The following GAK variants were observed in gnomAD, a reference collection of about 807,000 sequenced individuals.
GAK encodes cyclin-G-associated kinase.
In GAK, 79 loss-of-function variants were observed where a neutral mutation model predicts 143.9. That is an observed-to-expected ratio of 0.55 (90% CI 0.46 to 0.66). The LOEUF (loss-of-function observed/expected upper bound fraction) is 0.66, where lower values mean the gene tolerates loss of function less well. Ranked by LOEUF, GAK falls within the 30% of genes least tolerant of loss-of-function variation. The pLI, the probability that GAK is intolerant of heterozygous loss-of-function variation, is 0.00. For synonymous variants in GAK, 881 were observed against 765.5 expected, an observed-to-expected ratio of 1.15 and a Z score of -2.49; for missense variants, 1,693 against 1,779.7, an observed-to-expected ratio of 0.95 and a Z score of 0.88.
intron 3 of GAK, chr4:912,059 G>C (rs567542782): frequency 1.0e-5 from 5 of 484,158 alleles, no homozygotes; most frequent in African/African-American, 5.9e-5. Context: ...AGTCCATCCC[G>C]CGCGTGGCAG....
chr4:862,435 C>T (rs993903749), intron 23 of GAK, among the ~76,000 whole-genome samples: 2 of 152,076 alleles, frequency 1.3e-5, no homozygotes, highest in Admixed American at 6.6e-5. Context: ...CTGAGGCGGG[C>T]GGATCACGAG....
At chr4:887,553 C>G (rs1716719191) in intron 11 of GAK, 1 of 149,614 alleles carries the variant, frequency 6.7e-6, no homozygotes, top group African/African-American at 2.5e-5. Flanking sequence ...GCACGCAGCT[C>G]ACGCACACTC....
intron 23 of GAK, among the ~76,000 whole-genome samples, chr4:860,733 G>A (rs1438526678): frequency 1.4e-5 from 2 of 145,872 alleles, no homozygotes; most frequent in African/African-American, 2.6e-5. Context: ...AGGCCCTGGC[G>A]CACCTCGCAC....
intron 23 of GAK, among the ~76,000 whole-genome samples, chr4:862,637 G>A (rs1334642871): frequency 1.3e-5 from 2 of 148,694 alleles, no homozygotes; most frequent in Non-Finnish European, 3.0e-5. Context: ...CAGCCTGGGC[G>A]ACAAAGAGAG....
chr4:894,969 A>T (rs1409422737), intron 7 of GAK: 1 of 145,876 alleles, frequency 6.9e-6, no homozygotes, highest in African/African-American at 2.7e-5. Flanking sequence ...ACAAAGCGAG[A>T]CTCTGTCTCA....
At chr4:852,247 G>A in intron 24 of GAK, 1 of 546,734 alleles carries the variant, frequency 1.8e-6, no homozygotes, top group South Asian at 2.1e-5. Context: ...CCACCCCCAG[G>A]AGCCAAGGCA....
chr4:865,688 C>T (rs1751049239), intron 22 of GAK, among the ~76,000 whole-genome samples: 1 of 152,232 alleles, frequency 6.6e-6, no homozygotes, highest in Admixed American at 6.5e-5. Flanking sequence ...TCTGGCGGCA[C>T]CCGCCCCAAC....
intron 10 of GAK, among the ~76,000 whole-genome samples, chr4:889,181 G>A (rs1717161281): frequency 1.3e-5 from 2 of 152,098 alleles, no homozygotes; most frequent in Admixed American, 1.3e-4. Flanking sequence ...CGTACCCAGC[G>A]GGAAGCCAGG....
chr4:851,739 G>T lies in GAK; in HGVS notation c.3508+11C>A, dbSNP rs780799062. The T allele has an allele frequency of 6.2e-7, 1 of 1,610,496 alleles. No homozygotes were observed. On this transcript the variant is annotated intron_variant, in intron 25 of 27. Transcript: ENST00000314167. ...TGCAAACTCCACAGCAACAGAGAGT[G>T]GGGGACTCACCAAAGCTGGGTGCGC...
chr4:898,190 T>C, intron 5 of GAK, 32 bp from the exon 6 acceptor site: 1 of 1,611,890 alleles, frequency 6.2e-7, no homozygotes, highest in Non-Finnish European at 8.5e-7. Context: ...CCCCGTGAAC[T>C]TGGCGTAGAC....
intron 4 of GAK, among the ~76,000 whole-genome samples, chr4:907,863 G>A (rs905770908): frequency 7.9e-5 from 12 of 152,208 alleles, no homozygotes; most frequent in Admixed American, 7.8e-4. Flanking sequence ...CAGTCCCCAG[G>A]AGTGAGCTGG....
chr4:850,148 G>T (rs1037161718), intron 26 of GAK, 80 bp from the exon 27 acceptor site: 2 of 1,356,438 alleles, frequency 1.5e-6, no homozygotes, highest in Admixed American at 2.4e-5. Flanking sequence ...GAGGCACGAC[G>T]CTGAGGAAGT....
At position 912,891 on chromosome 4, in the gene GAK, T is replaced by C. The variant is rs182201135; in HGVS notation, c.208-97A>G. On this transcript the variant is annotated intron_variant, in intron 2 of 27. Transcript: ENST00000314167. The stretch of plus-strand genomic sequence containing the variant: ...CAGACATAAGCACGCAACAGAGCAA[T>C]GCAATGTGTCTAATACAGCTCCCCC... The C allele has an allele frequency of 5.9e-5, 61 of 1,026,150 alleles. No homozygotes were observed. In the East Asian group the frequency reaches 1.2e-3, roughly 20 times the overall value. The allele number at this position is 1,026,150 out of a possible 1,614,324, so 63.6% of individuals were successfully genotyped here.
chr4:865,428 C>T (rs1015409684), intron 22 of GAK, among the ~76,000 whole-genome samples, 184 bp from the exon 23 acceptor site: 1 of 151,986 alleles, frequency 6.6e-6, no homozygotes, highest in Non-Finnish European at 1.5e-5. Context: ...TCACACAGAA[C>T]TGAGCGAGTG....
Position 868,659 on chromosome 4 carries a change from C to G in GAK, c.2275G>C (p.Gly759Arg). The stretch of plus-strand genomic sequence containing the variant: ...CCAGCATCATACTGAGCCGTGGAGC[C>G]AGGCTGCCGGGGAAGCTCCGGCTTC... ...FGKPELPRQP[G>R]STAQYDAGAG... The change falls in exon 20 of 28, where the codon GGC becomes CGC. Residue 759 changes from glycine (G) to arginine (R), a missense_variant. Physicochemically the swap from Gly to Arg is moderately radical, Grantham distance 125 (BLOSUM62 -2). Transcript: ENST00000314167. 12 of 1,555,812 alleles carry G rather than the reference C, an allele frequency of 7.7e-6. No homozygotes were observed. The highest frequency in any genetic ancestry group is 1.0e-5 in the Non-Finnish European group (12 of 1,150,070).
rs1432726628 is a variant in GAK at position 865,208 on chromosome 4, G to A, written c.3080C>T (p.Ser1027Leu). 3.7e-6 allele frequency: 6 copies of A among 1,613,406 alleles called. 1 individual carries two copies. The highest frequency in any genetic ancestry group is 3.3e-5 in the South Asian group (3 of 91,022). Reference protein sequence around the residue: ...LPGEPSKMTASSSNPDLLGGW... With the variant: ...LPGEPSKMTALSSNPDLLGGW... ...TCCCAGCAGGTCTGGGTTGCTGGAC[G>A]AGGCTGTCATCTTGCTGGGCTCTCC... Residue 1027 changes from serine to leucine, a missense_variant, in exon 23 of 28, where the codon TCG (serine) becomes TTG (leucine). Ser to Leu is a moderately radical substitution (Grantham distance 145). Coordinates refer to ENST00000314167, the MANE Select transcript of GAK (RefSeq NM_005255.4).
rs772431440 is a variant in GAK at position 867,145 on chromosome 4, C to T, written c.2683G>A (p.Ala895Thr). The change falls in exon 21 of 28, where the codon GCT becomes ACT. Residue 895 changes from alanine (A) to threonine (T), a missense_variant. Ala to Thr is a moderately conservative substitution (Grantham distance 58). Coordinates refer to ENST00000314167, the MANE Select transcript of GAK (RefSeq NM_005255.4). Reference protein sequence around the residue: ...GLHSEVGAGPAVPPQACKAPS... With the variant: ...GLHSEVGAGPTVPPQACKAPS... ...GCCTTGCAGGCCTGCGGGGGTACAGCTGGCCCTGCGCCCACCTCGGAGTGC... is the reference window on the plus strand; with the variant it reads ...GCCTTGCAGGCCTGCGGGGGTACAGTTGGCCCTGCGCCCACCTCGGAGTGC... 3.1e-6 allele frequency: 5 copies of T among 1,593,102 alleles called. No homozygotes were observed. The highest frequency in any genetic ancestry group is 3.4e-6 in the Non-Finnish European group (4 of 1,166,764).
intron 15 of GAK, among the ~76,000 whole-genome samples, chr4:880,437 G>A (rs1714863661): frequency 6.6e-6 from 1 of 152,254 alleles, no homozygotes; most frequent in Admixed American, 6.5e-5. Context: ...TCTGGAGGCA[G>A]AAGAAAGGGT....
In GAK at chr4:867,413, A is replaced by C; in HGVS notation, c.2415T>G (p.Thr805=). The C allele has an allele frequency of 6.5e-7, 1 of 1,532,484 alleles. No individual in the cohort carries two copies. Among genetic ancestry groups the C allele is most frequent in the Non-Finnish European group, 8.8e-7 (1 of 1,135,478 alleles). The allele number at this position is 1,532,484 out of a possible 1,614,324, so 94.9% of individuals were successfully genotyped here. ...LDWQEEKEAE[T]GAENASSKES... is the part of the protein sequence containing the mutation. Reference sequence around the variant, plus strand: ...CCTTGGAAGAGGCATTTTCTGCACCAGTCTCTGCCTCCTTCTCTTCTGCGA... The same window carrying C: ...CCTTGGAAGAGGCATTTTCTGCACCCGTCTCTGCCTCCTTCTCTTCTGCGA... Residue 805 remains threonine (T), a synonymous_variant, in exon 21 of 28, where the codon ACT becomes ACG. Transcript: ENST00000314167.
Sources: gnomAD v4.1 joint callset for allele counts (sites outside exome capture counted in the v4.1 genomes callset) on GRCh38, gnomAD v4.1.1 for gene constraint, MANE v1.5 for transcripts, NCBI Gene and HGNC (gene_info 2026-07-23, HGNC 2026-07-21) for gene names.